The following STK39 variants were observed in gnomAD, a reference collection of about 807,000 sequenced individuals.
The protein encoded by STK39 is serine/threonine kinase 39, also known as STE20/SPS1-related proline-alanine-rich protein kinase.
In STK39, 20 loss-of-function variants were observed where a neutral mutation model predicts 77.8. The ratio of observed to expected loss-of-function variants is 0.26; its 90% CI spans 0.18 to 0.37. The LOEUF (loss-of-function observed/expected upper bound fraction) is 0.37, where lower values mean the gene tolerates loss of function less well. Ranked by LOEUF, STK39 falls within the 10% of genes least tolerant of loss-of-function variation. The probability of loss-of-function intolerance (pLI) is 1.00; values close to 1 mark genes in which losing one functional copy is unlikely to be tolerated. For synonymous variants in STK39, 246 were observed against 234.1 expected (o/e 1.05, Z -0.47); for missense variants, 479 against 656.5 (o/e 0.73, Z 2.95).
At chr2:168,088,808 A>G (rs1167339014) in intron 10 of STK39, among the ~76,000 whole-genome samples, 1 of 152,164 alleles carries the variant, frequency 6.6e-6, no homozygotes, top group South Asian at 2.1e-4. Context: ...AGACTTTTTC[A>G]CCATGTTGTA....
chr2:168,080,868 G>A (rs1237385794), intron 10 of STK39, among the ~76,000 whole-genome samples: 1 of 152,212 alleles, frequency 6.6e-6, no homozygotes, highest in African/African-American at 2.4e-5. Flanking sequence ...GGTACACCTC[G>A]GGCCATTGCT....
chr2:167,969,148 A>C (rs547051541), intron 16 of STK39, among the ~76,000 whole-genome samples: 3 of 152,362 alleles, frequency 2.0e-5, no homozygotes, highest in Non-Finnish European at 4.4e-5. Flanking sequence ...GGATTAATTC[A>C]CACACATAAA....
At chr2:168,016,084 C>T (rs1312723521) in intron 15 of STK39, among the ~76,000 whole-genome samples, 1 of 152,092 alleles carries the variant, frequency 6.6e-6, no homozygotes, top group Non-Finnish European at 1.5e-5. Flanking sequence ...TGCACCACCA[C>T]ACCCGGCTAG....
intron 4 of STK39, 121 bp downstream of exon 4, chr2:168,163,618 T>C (rs1384606221): frequency 1.3e-6 from 2 of 1,587,122 alleles, no homozygotes; most frequent in African/African-American, 2.7e-5. Context: ...CATCTGAATT[T>C]AAACATCTCT....
At position 168,157,535 on chromosome 2, in the gene STK39, G is replaced by A. The variant is rs556071940; in HGVS notation, c.628+4252C>T. ...CTGGGAAGTCCAAGATTATGGCATC[G>A]GCAGATTCACTATCTAGTAAGGACC... On this transcript the variant is annotated intron_variant, in intron 5 of 17. Coordinates refer to ENST00000355999, the MANE Select transcript of STK39 (RefSeq NM_013233.3). Among the ~76,000 whole-genome samples, 12 of 152,138 alleles carry A rather than the reference G, an allele frequency of 7.9e-5. No individual in the cohort carries two copies. In the South Asian group the frequency reaches 2.5e-3, roughly 32 times the overall value.
chr2:168,188,497 T>C (rs779287168), intron 1 of STK39, among the ~76,000 whole-genome samples: 2 of 152,264 alleles, frequency 1.3e-5, no homozygotes, highest in African/African-American at 2.4e-5. Flanking sequence ...ACTGTTATTT[T>C]GCCTGAGTGT....
At chr2:168,000,777 C>A (rs1316502103) in intron 16 of STK39, among the ~76,000 whole-genome samples, 1 of 152,160 alleles carries the variant, frequency 6.6e-6, no homozygotes, top group East Asian at 1.9e-4. Flanking sequence ...AGAAATGAGC[C>A]ATGAACGTGA....
chr2:168,015,273 C>T (rs1179689566), intron 15 of STK39, among the ~76,000 whole-genome samples: 5 of 152,164 alleles, frequency 3.3e-5, no homozygotes, highest in Admixed American at 2.6e-4. Context: ...GAATATTTTA[C>T]GTTATACATT....
intron 16 of STK39, among the ~76,000 whole-genome samples, chr2:168,008,165 T>C (rs1684179309): frequency 6.6e-6 from 1 of 152,164 alleles, no homozygotes. Context: ...TCTGATTTAC[T>C]TTACCTGGAT....
intron 8 of STK39, among the ~76,000 whole-genome samples, chr2:168,130,319 AC>A (rs1687647487): frequency 6.6e-6 from 1 of 152,234 alleles, no homozygotes; most frequent in Non-Finnish European, 1.5e-5. Context: ...TAGAAGCATT[AC>A]CAGATGGTGT....
chr2:168,008,819 A>G (rs1403666543), intron 16 of STK39, among the ~76,000 whole-genome samples: 4 of 152,154 alleles, frequency 2.6e-5, no homozygotes, highest in African/African-American at 9.7e-5. Context: ...CAAGTGAAAA[A>G]GCTTATCATG....
At chr2:168,042,724 C>A (rs1291428773) in intron 14 of STK39, among the ~76,000 whole-genome samples, 1 of 151,930 alleles carries the variant, frequency 6.6e-6, no homozygotes, top group Non-Finnish European at 1.5e-5. Context: ...GGATTACAGG[C>A]GCCTGCCACC....
intron 3 of STK39, among the ~76,000 whole-genome samples, chr2:168,165,232 G>A (rs3769382): frequency 0.093 from 14,091 of 152,088 alleles, 1,240 homozygotes; most frequent in East Asian, 0.31. Flanking sequence ...GTCTGCCCAC[G>A]TCCTTACCTG....
chr2:168,004,072 A>C (rs1185555961), intron 16 of STK39, among the ~76,000 whole-genome samples: 1 of 152,238 alleles, frequency 6.6e-6, no homozygotes, highest in East Asian at 1.9e-4. Context: ...CTCATGACTG[A>C]GCAGAGAGAT....
At chr2:168,030,968 T>A (rs1049275753) in intron 14 of STK39, among the ~76,000 whole-genome samples, 2 of 152,232 alleles carry the variant, frequency 1.3e-5, no homozygotes, top group African/African-American at 4.8e-5. Flanking sequence ...AGGACAGGAC[T>A]TTTCATGCAG....
At chr2:168,034,995 A>C (rs1684915565) in intron 14 of STK39, among the ~76,000 whole-genome samples, 1 of 152,198 alleles carries the variant, frequency 6.6e-6, no homozygotes, top group African/African-American at 2.4e-5. Flanking sequence ...GAGAAGTGAA[A>C]AGGCTTTTTA....
chr2:168,064,707 T>C (rs993924598), intron 13 of STK39, among the ~76,000 whole-genome samples: 10 of 152,194 alleles, frequency 6.6e-5, no homozygotes, highest in Non-Finnish European at 1.5e-5. Flanking sequence ...TACAACCACT[T>C]TGAGAACAAA....
At chr2:168,190,490 G>T (rs1173906005) in intron 1 of STK39, among the ~76,000 whole-genome samples, 1 of 152,190 alleles carries the variant, frequency 6.6e-6, no homozygotes, top group East Asian at 1.9e-4. Flanking sequence ...AGCTCATTCT[G>T]AAGAGCAATG....
chr2:168,165,022 T>C (rs377274149), intron 3 of STK39, among the ~76,000 whole-genome samples: 15 of 151,994 alleles, frequency 9.9e-5, no homozygotes, highest in African/African-American at 3.6e-4. Flanking sequence ...AGAGATTCAA[T>C]GTAATGAAAT....
Sources: gnomAD v4.1 joint callset for allele counts (sites outside exome capture counted in the v4.1 genomes callset) on GRCh38, gnomAD v4.1.1 for gene constraint, MANE v1.5 for transcripts, NCBI Gene and HGNC (gene_info 2026-07-23, HGNC 2026-07-21) for gene names.